The following ABCA2 variants were observed in gnomAD, a reference collection of about 807,000 sequenced individuals.
ABCA2 encodes ATP-binding cassette sub-family A member 2.
Under a neutral mutation model 262.8 loss-of-function variants are expected in ABCA2, and 84 were observed. That is an observed-to-expected ratio of 0.32 (90% CI 0.27 to 0.38). The LOEUF (loss-of-function observed/expected upper bound fraction) is 0.38. Ranked by LOEUF, ABCA2 falls within the 10% of genes least tolerant of loss-of-function variation. The pLI is 1.00. For synonymous variants in ABCA2, 1,696 were observed against 1,502.9 expected (o/e 1.13, Z -2.97); for missense variants, 2,662 against 3,405.9 (o/e 0.78, Z 5.44).
Position 137,010,046 on chromosome 9 carries a change from C to T in ABCA2, c.6432G>A (p.Thr2144=), listed in dbSNP as rs371767377. Residue 2144 remains threonine, a synonymous_variant, in exon 42 of 49, where the codon ACG becomes ACA. Transcript: ENST00000341511. ...PQCDALFDEL[T]AREHLQLYTR... ...TGTACAGCTGCAGGTGCTCCCGGGC[C>T]GTGAGCTCGTCGAACAGCGCGTCAC... 40 of 1,601,320 alleles carry T rather than the reference C, an allele frequency of 2.5e-5. No individual in the cohort carries two copies. In the South Asian group the frequency reaches 3.3e-4, roughly 13 times the overall value.
Position 137,018,031 on chromosome 9 carries a change from C to T in ABCA2, c.2038G>A (p.Val680Met), listed in dbSNP as rs764136651. The change falls in exon 15 of 49, where the codon GTG becomes ATG. Residue 680 changes from valine (V) to methionine (M), a missense_variant. Coordinates refer to ENST00000341511, the MANE Select transcript of ABCA2 (RefSeq NM_001606.5). ...TGCACGTAGCTGCCTGGCTCCACCA[C>T]ATCGTGCCCCACAAAAGTGTCGATG... is the stretch of plus-strand genomic sequence containing the variant. ...AIIDTFVGHD[V>M]VEPGSYVQMF... 6.2e-7 allele frequency: 1 copy of T among 1,612,756 alleles called. No individual in the cohort carries two copies.
chr9:137,024,723 TGCGCCCAGGGC>T (rs1831591923), intron 1 of ABCA2, among the ~76,000 whole-genome samples: 1 of 151,510 alleles, frequency 6.6e-6, no homozygotes, highest in Non-Finnish European at 1.5e-5. Flanking sequence ...AGGCTTGGCC[TGCGCCCAGGGC>T]CCTGAGCCTC....
chr9:137,011,948 C>G lies in ABCA2; in HGVS notation c.5431G>C (p.Val1811Leu). The change falls in exon 35 of 49, where the codon GTT becomes CTT. Residue 1811 changes from valine to leucine, a missense_variant. Around this residue, in one of 12 missense-constraint regions of ABCA2, gnomAD observed 602 missense variants for 897.4 expected, o/e 0.67. Coordinates refer to ENST00000341511, the MANE Select transcript of ABCA2 (RefSeq NM_001606.5). The surrounding 1 kb of genome is among the most constrained non-coding windows in gnomAD (Gnocchi z 8.8). ...VAMSFVPASF[V>L]VFLVAEKSTK... ...GACTTCTCGGCCACGAGGAAGACAA[C>G]GAAGCTGGCCGGCACGAAGGACATG... The G allele has an allele frequency of 6.2e-7, 1 of 1,612,686 alleles. No homozygotes were observed. The highest frequency in any genetic ancestry group is 8.5e-7 in the Non-Finnish European group (1 of 1,179,964).
chr9:137,023,108 A>G (rs1407533772), intron 3 of ABCA2, 56 bp from the exon 4 acceptor site: 20 of 1,313,596 alleles, frequency 1.5e-5, no homozygotes, highest in Admixed American at 4.2e-5. Context: ...AGAGAGAGAG[A>G]GGAATCCAGA....
rs1213476526 is a variant in ABCA2, at chr9:137,015,344, T to C, written c.3697+70A>G. Reference sequence around the variant, plus strand: ...GACGGTGAGGGCCCAGCCTCTCCATTGTGGATTCTCAGGTGGGGGTCCCGG... The same window carrying C: ...GACGGTGAGGGCCCAGCCTCTCCATCGTGGATTCTCAGGTGGGGGTCCCGG... On this transcript the variant is annotated intron_variant, in intron 24 of 48. Transcript: ENST00000341511. The C allele has an allele frequency of 8.1e-6, 12 of 1,475,696 alleles. No individual in the cohort carries two copies. In the Admixed American group the frequency reaches 1.3e-4, roughly 16 times the overall value. The allele number at this position is 1,475,696 out of a possible 1,614,324, so 91.4% of individuals were successfully genotyped here.
rs1346239740 is a variant in ABCA2, at chr9:137,020,575, G to C, written c.1266-80C>G. ...GTGGGAGGGGCATCGGGATGGGGCA[G>C]GACTTCGGGGCACAGGGCAGGGCGC... On this transcript the variant is annotated intron_variant, in intron 9 of 48. Transcript: ENST00000341511. 8 of 1,546,352 alleles carry C rather than the reference G, an allele frequency of 5.2e-6. No individual in the cohort carries two copies. The East Asian group carries it at 1.8e-4, about 35-fold the overall frequency.
Position 137,014,454 on chromosome 9 carries a change from G to A in ABCA2, c.4004-50C>T, listed in dbSNP as rs559281556. The A allele has an allele frequency of 2.6e-6, 4 of 1,526,750 alleles. No individual in the cohort carries two copies. In the East Asian group the frequency reaches 7.3e-5, roughly 28 times the overall value. The allele number at this position is 1,526,750 out of a possible 1,614,324, so 94.6% of individuals were successfully genotyped here. ...GACACTCAGGGCTACTGGCCCCTAG[G>A]CCTGCCCAGGACCCCCATCCCCGGT... On this transcript the variant is annotated intron_variant, in intron 26 of 48. Transcript: ENST00000341511.
chr9:137,015,192 A>C, intron 24 of ABCA2, 95 bp from the exon 25 acceptor site: 1 of 1,390,656 alleles, frequency 7.2e-7, no homozygotes, highest in South Asian at 1.4e-5. Flanking sequence ...TGGGCATTGG[A>C]GAGGAAGAAC....
Position 137,013,293 on chromosome 9 carries a change from G to A in ABCA2, c.4576C>T (p.Pro1526Ser). Residue 1526 changes from proline to serine, a missense_variant, in exon 30 of 49, where the codon CCC becomes TCC. Physicochemically the swap from Pro to Ser is moderately conservative, Grantham distance 74 (BLOSUM62 -1). Transcript: ENST00000341511. ...YRLRLSPDAS[P>S]QQLVSTFRLP... Reference sequence around the variant, plus strand: ...CGGAACGTGCTCACGAGCTGCTGGGGGCTGGCGTCGGGCGATAGCCGCAGC... The same window carrying A: ...CGGAACGTGCTCACGAGCTGCTGGGAGCTGGCGTCGGGCGATAGCCGCAGC... The A allele has an allele frequency of 6.4e-7, 1 of 1,568,748 alleles. No homozygotes were observed.
intron 30 of ABCA2, 25 bp downstream of exon 30, chr9:137,012,977 C>T (rs1378201202): frequency 4.7e-6 from 7 of 1,480,352 alleles, no homozygotes; most frequent in East Asian, 2.5e-5. Flanking sequence ...CCCCTGCCCC[C>T]CCAGCAGGCC....
In ABCA2 at chr9:137,011,124, G is replaced by C; in HGVS notation, c.5924-19C>G. 2 of 1,612,234 alleles carry C rather than the reference G, an allele frequency of 1.2e-6. No individual in the cohort carries two copies. The highest frequency in any genetic ancestry group is 2.2e-5 in the South Asian group (2 of 91,052). On this transcript the variant is annotated intron_variant, in intron 38 of 48. Coordinates refer to ENST00000341511, the MANE Select transcript of ABCA2 (RefSeq NM_001606.5). The surrounding 1 kb of genome is among the most constrained non-coding windows in gnomAD (Gnocchi z 8.8). Reference sequence around the variant, plus strand: ...AACTGGCCTGCGGGGAGACAGCTCAGGGCCTGTGCTCTGGGCCTTGCGGGG... The same window carrying C: ...AACTGGCCTGCGGGGAGACAGCTCACGGCCTGTGCTCTGGGCCTTGCGGGG...
In ABCA2 at chr9:137,021,518, C is replaced by G; in HGVS notation, c.771G>C (p.Gln257His). ...LGRILTVPES[Q>H]KGALQGYRDA... The stretch of plus-strand genomic sequence containing the variant: ...CCCGGTAGCCCTGCAGGGCTCCCTT[C>G]TGACTCTCAGGCACAGTGAGGATCC... Residue 257 changes from glutamine (Q) to histidine (H), a missense_variant, in exon 8 of 49, where the codon CAG becomes CAC. By Grantham distance (24) the Gln-to-His change is conservative. Transcript: ENST00000341511. The surrounding 1 kb of genome is among the most constrained non-coding windows in gnomAD (Gnocchi z 6.0). The G allele has an allele frequency of 1.2e-6, 2 of 1,605,016 alleles. No homozygotes were observed. The highest frequency in any genetic ancestry group is 1.7e-6 in the Non-Finnish European group (2 of 1,176,534).
rs375992232 is a variant in ABCA2, at chr9:137,014,212, G to T, written c.4196C>A (p.Pro1399His). ...GYTDVYGDYRPLFDNPQDPDN... is the reference protein window; with the variant it reads ...GYTDVYGDYRHLFDNPQDPDN... The stretch of plus-strand genomic sequence containing the variant: ...TGGGTCCTGTGGGTTATCAAAGAGG[G>T]GGCGGTAGTCGCCATAGACGTCGGT... Residue 1399 changes from proline (P) to histidine (H), a missense_variant, in exon 27 of 49, where the codon CCC (proline) becomes CAC (histidine). Transcript: ENST00000341511. 6.8e-6 allele frequency: 11 copies of T among 1,609,574 alleles called. No individual in the cohort carries two copies. Among genetic ancestry groups the T allele is most frequent in the African/African-American group, 1.3e-5 (1 of 74,902 alleles).
In ABCA2 at chr9:137,013,183, C is replaced by A; in HGVS notation, c.4686G>T (p.Gly1562=). ...ACCGAGCCGCCAGCAGGCGCGACTCCCCGCTGCTCAGGTTCAACGTGGGCC... is the reference window on the plus strand; with the variant it reads ...ACCGAGCCGCCAGCAGGCGCGACTCACCGCTGCTCAGGTTCAACGTGGGCC... ...SLGPTLNLSS[G]ESRLLAARFF... The change falls in exon 30 of 49, where the codon GGG becomes GGT. Residue 1562 remains glycine, a synonymous_variant. Coordinates refer to ENST00000341511, the MANE Select transcript of ABCA2 (RefSeq NM_001606.5). 1 of 1,601,734 alleles carries A rather than the reference C, an allele frequency of 6.2e-7. No homozygotes were observed. Among genetic ancestry groups the A allele is most frequent in the Non-Finnish European group, 8.5e-7 (1 of 1,175,984 alleles).
chr9:137,020,591 G>A (rs1281255144), intron 9 of ABCA2, 96 bp from the exon 10 acceptor site: 37 of 1,551,566 alleles, frequency 2.4e-5, no homozygotes, highest in Non-Finnish European at 3.1e-5. Flanking sequence ...CGGGGCACAG[G>A]GCAGGGCGCC....
Position 137,008,743 on chromosome 9 carries a change from G to T in ABCA2, c.7056C>A (p.Thr2352=). The change falls in exon 47 of 49, where the codon ACC becomes ACA. Residue 2352 remains threonine, a synonymous_variant. Transcript: ENST00000341511. ...TTGGGGCGCTCACATTGTCCAGTGTGGTCTGGCTGACCGAGTAGTCCTCGA... is the reference window on the plus strand; with the variant it reads ...TTGGGGCGCTCACATTGTCCAGTGTTGTCTGGCTGACCGAGTAGTCCTCGA... ...LGIEDYSVSQ[T]TLDNVFVNFA... 1 of 1,582,914 alleles carries T rather than the reference G, an allele frequency of 6.3e-7. No homozygotes were observed.
Position 137,017,414 on chromosome 9 carries a change from C to G in ABCA2, c.2403-68G>C. On this transcript the variant is annotated intron_variant, in intron 17 of 48. Coordinates refer to ENST00000341511, the MANE Select transcript of ABCA2 (RefSeq NM_001606.5). Reference sequence around the variant, plus strand: ...CCCGGCCTCCTGGGCAGGCCCGTGCCAGGGTCCAGGGGGCTCTGAGAGGAT... The same window carrying G: ...CCCGGCCTCCTGGGCAGGCCCGTGCGAGGGTCCAGGGGGCTCTGAGAGGAT... 2.5e-6 allele frequency: 4 copies of G among 1,604,094 alleles called. 1 individual carries two copies. Among genetic ancestry groups the G allele is most frequent in the Non-Finnish European group, 3.4e-6 (4 of 1,174,722 alleles).
In ABCA2 at chr9:137,009,627, G is replaced by A; in HGVS notation, c.6648C>T (p.Gly2216=). The A allele has an allele frequency of 6.2e-7, 1 of 1,612,932 alleles. No individual in the cohort carries two copies. ...AFIFLDEPTT[G]MDPKARRFLW... ...GGAAGCGCCGGGCCTTGGGGTCCAT[G>A]CCTGTGGTGGGCTCGTCCTGGGGAT... Residue 2216 remains glycine (G), a synonymous_variant, in exon 44 of 49, where the codon GGC becomes GGT. Coordinates refer to ENST00000341511, the MANE Select transcript of ABCA2 (RefSeq NM_001606.5).
Position 137,013,332 on chromosome 9 carries a change from C to T in ABCA2, c.4551-14G>A, listed in dbSNP as rs1428356131. 4.7e-5 allele frequency: 73 copies of T among 1,537,994 alleles called. No homozygotes were observed. Among genetic ancestry groups the T allele is most frequent in the Non-Finnish European group, 5.8e-5 (67 of 1,148,592 alleles). ...GATAGCCGCAGCCTGCGGGCACCGA[C>T]AGTGTGAGGTGGGGCTGCCAGTCTC... is the stretch of plus-strand genomic sequence containing the variant. On this transcript the variant is annotated splice_polypyrimidine_tract_variant and intron_variant, in intron 29 of 48. Transcript: ENST00000341511.
Sources: gnomAD v4.1 joint callset for allele counts (sites outside exome capture counted in the v4.1 genomes callset) on GRCh38, gnomAD v4.1.1 for gene constraint, gnomAD v4.1.1 regional missense constraint, Gnocchi (gnomAD v3.1) non-coding constraint, MANE v1.5 for transcripts, NCBI Gene and HGNC (gene_info 2026-07-23, HGNC 2026-07-21) for gene names.